TLE3: variants seen among roughly 807,000 people sequenced by gnomAD.
TLE3 encodes TLE family member 3, transcriptional corepressor.
A neutral mutation model predicts 93.0 loss-of-function variants in TLE3; 14 were observed. The observed-to-expected ratio is 0.15, with a 90% CI of 0.10 to 0.24. TLE3 has a LOEUF of 0.24. Among genes scored for constraint, TLE3 ranks in the 10% least tolerant of loss-of-function variants. The probability of loss-of-function intolerance (pLI) is 1.00; values close to 1 mark genes in which losing one functional copy is unlikely to be tolerated. For synonymous variants in TLE3, 451 were observed against 425.0 expected (o/e 1.06, Z -0.75); for missense variants, 693 against 1,046.6 (o/e 0.66, Z 4.66).
intron 6 of TLE3, among the ~76,000 whole-genome samples, chr15:70,071,119 G>A (rs1045518784): frequency 6.6e-6 from 1 of 152,060 alleles, no homozygotes; most frequent in South Asian, 2.1e-4. Context: ...CGGCTCAAAG[G>A]GTCTTAAATC....
At position 70,058,714 on chromosome 15, in the gene TLE3, C is replaced by T. The variant is rs370729783; in HGVS notation, c.867G>A (p.Ser289=). Reference sequence around the variant, plus strand: ...AAGGTGTGCTACTGGAAGAGGCCACCGAGGCAGGGCTGGTGGGGGCATCTT... The same window carrying T: ...AAGGTGTGCTACTGGAAGAGGCCACTGAGGCAGGGCTGGTGGGGGCATCTT... ...LKKDAPTSPA[S]VASSSSTPSS... Residue 289 remains serine (S), a synonymous_variant, in exon 11 of 20, where the codon TCG becomes TCA. Coordinates refer to ENST00000451782, the MANE Select transcript of TLE3 (RefSeq NM_001105192.3). This position sits in a 1 kb window ranked among gnomAD's most constrained non-coding sequence, Gnocchi z 4.1. The T allele has an allele frequency of 1.4e-5, 23 of 1,608,914 alleles. No individual in the cohort carries two copies. Among genetic ancestry groups the T allele is most frequent in the East Asian group, 2.2e-5 (1 of 44,774 alleles).
intron 5 of TLE3, among the ~76,000 whole-genome samples, chr15:70,075,465 A>G (rs1047087107): frequency 2.0e-5 from 3 of 152,160 alleles, no homozygotes; most frequent in African/African-American, 7.2e-5. Context: ...TCAATCATTT[A>G]CTCAGGTCAC....
chr15:70,053,195 C>G, intron 17 of TLE3, 32 bp downstream of exon 17: 2 of 1,597,706 alleles, frequency 1.3e-6, no homozygotes, highest in South Asian at 2.3e-5. Flanking sequence ...ACACACTGCT[C>G]TTTGGGAAGG....
Position 70,049,703 on chromosome 15 carries a change from C to T in TLE3, c.*394G>A, listed in dbSNP as rs1011574147. On this transcript the variant is annotated 3_prime_UTR_variant, in exon 20 of 20. Transcript: ENST00000451782. ...TCGGCAAAGAGAGACCCCCCCATCC[C>T]CCAGCACAACATTGTGGTCCACTCC... 1.6e-5 allele frequency: 3 copies of T among 185,758 alleles called. No individual in the cohort carries two copies. The highest frequency in any genetic ancestry group is 3.4e-5 in the Non-Finnish European group (3 of 87,052). The allele number at this position is 185,758 out of a possible 1,614,324, so 11.5% of individuals were successfully genotyped here.
intron 3 of TLE3, 32 bp downstream of exon 3, chr15:70,095,546 A>G: frequency 6.5e-7 from 1 of 1,547,958 alleles, no homozygotes; most frequent in Non-Finnish European, 8.7e-7. Context: ...TCGGCGCCCC[A>G]ACCGCCCCCC....
At position 70,052,462 on chromosome 15, in the gene TLE3, G is replaced by A. The variant is rs771386922; in HGVS notation, c.2037C>T (p.Asn679=). The change falls in exon 18 of 20, where the codon AAC becomes AAT. Residue 679 remains asparagine (N), a synonymous_variant. Coordinates refer to ENST00000451782, the MANE Select transcript of TLE3 (RefSeq NM_001105192.3). The part of the protein sequence containing the change: ...EWLAVGMESS[N]VEVLHHTKPD... Reference sequence around the variant, plus strand: ...GCTTGGTGTGGTGCAGCACCTCCACGTTGCTGCTCTCCATGCCCACAGCCA... The same window carrying A: ...GCTTGGTGTGGTGCAGCACCTCCACATTGCTGCTCTCCATGCCCACAGCCA... 2.5e-6 allele frequency: 4 copies of A among 1,613,798 alleles called. No individual in the cohort carries two copies. Among genetic ancestry groups the A allele is most frequent in the African/African-American group, 1.3e-5 (1 of 74,938 alleles).
chr15:70,064,439 A>G lies in TLE3; in HGVS notation c.594+15T>C. 1.2e-6 allele frequency: 2 copies of G among 1,613,654 alleles called. No individual in the cohort carries two copies. Among genetic ancestry groups the G allele is most frequent in the Non-Finnish European group, 1.7e-6 (2 of 1,179,668 alleles). On this transcript the variant is annotated intron_variant, in intron 8 of 19. Transcript: ENST00000451782. Reference sequence around the variant, plus strand: ...ACCCAAACACCCCTCCGGGTTCCAGAGTGCCAACACTTACCGCACTGGATT... The same window carrying G: ...ACCCAAACACCCCTCCGGGTTCCAGGGTGCCAACACTTACCGCACTGGATT...
intron 6 of TLE3, among the ~76,000 whole-genome samples, chr15:70,067,460 C>T (rs2056883318): frequency 6.6e-6 from 1 of 152,148 alleles, no homozygotes. Context: ...CCAAATCCCA[C>T]CACTAGTAAA....
intron 4 of TLE3, among the ~76,000 whole-genome samples, chr15:70,090,841 G>T (rs1032731798): frequency 5.9e-5 from 9 of 152,204 alleles, no homozygotes; most frequent in African/African-American, 2.2e-4. Flanking sequence ...GACAATAAGG[G>T]TTCAGTGATA....
chr15:70,054,994 C>T (rs967672450), intron 15 of TLE3, 55 bp downstream of exon 15: 16 of 1,534,570 alleles, frequency 1.0e-5, no homozygotes, highest in Admixed American at 3.9e-5. Flanking sequence ...GTGGCCCAGG[C>T]TGCCCCATCC....
At chr15:70,067,024 C>T (rs2056858040) in intron 6 of TLE3, 1 of 189,672 alleles carries the variant, frequency 5.3e-6, no homozygotes, top group Non-Finnish European at 1.2e-5. Flanking sequence ...TACTAAGCCT[C>T]ATGGCAGTAG....
chr15:70,090,982 C>T (rs950169778), intron 4 of TLE3, among the ~76,000 whole-genome samples: 8 of 152,222 alleles, frequency 5.3e-5, no homozygotes, highest in Non-Finnish European at 7.3e-5. Context: ...AAAAGGAGCA[C>T]TCTTCATTTC....
chr15:70,054,386 G>A (rs931247914), intron 16 of TLE3, 52 bp downstream of exon 16: 1 of 1,575,520 alleles, frequency 6.3e-7, no homozygotes, highest in Non-Finnish European at 8.6e-7. Context: ...CAGGCAGGAT[G>A]GGTAAAAACT....
rs1332584552 is a variant in TLE3, at chr15:70,048,560, G to A, written c.*1537C>T. On this transcript the variant is annotated 3_prime_UTR_variant, in exon 20 of 20. Transcript: ENST00000451782. ...AAAATGCAGTATAAAAATTATCTTCGATATGCTACATCCATGGAGAGCCTG... is the reference window on the plus strand; with the variant it reads ...AAAATGCAGTATAAAAATTATCTTCAATATGCTACATCCATGGAGAGCCTG... 2.0e-5 allele frequency: 3 copies of A among 150,994 alleles called. No individual in the cohort carries two copies. The highest frequency in any genetic ancestry group is 1.9e-4 in the East Asian group (1 of 5,136). The allele number at this position is 150,994 out of a possible 1,614,324, so 9.4% of individuals were successfully genotyped here.
intron 4 of TLE3, among the ~76,000 whole-genome samples, chr15:70,081,639 C>T (rs945012016): frequency 3.3e-5 from 5 of 152,242 alleles, no homozygotes; most frequent in Non-Finnish European, 5.9e-5. Context: ...AGTAATTCCA[C>T]GTCTGTGAGA....
chr15:70,064,341 G>T, intron 8 of TLE3, 113 bp downstream of exon 8: 2 of 1,326,282 alleles, frequency 1.5e-6, no homozygotes, highest in Non-Finnish European at 2.1e-6. Context: ...GAACCCAGAA[G>T]CCAGCTTTGG....
chr15:70,070,533 G>A (rs1298200351), intron 6 of TLE3, among the ~76,000 whole-genome samples: 1 of 152,162 alleles, frequency 6.6e-6, no homozygotes, highest in Non-Finnish European at 1.5e-5. Flanking sequence ...ACAGCTCCAG[G>A]CCTCCGACTG....
chr15:70,069,395 A>G (rs2057007600), intron 6 of TLE3, among the ~76,000 whole-genome samples: 1 of 152,218 alleles, frequency 6.6e-6, no homozygotes, highest in African/African-American at 2.4e-5. Flanking sequence ...AACTTGGAAC[A>G]AAGGCAGCAG....
intron 4 of TLE3, among the ~76,000 whole-genome samples, chr15:70,086,524 T>C (rs1204407324): frequency 6.6e-6 from 1 of 152,148 alleles, no homozygotes; most frequent in Non-Finnish European, 1.5e-5. Context: ...TGTACCCAAA[T>C]TGCATTTGGT....
Sources: gnomAD v4.1 joint callset for allele counts (sites outside exome capture counted in the v4.1 genomes callset) on GRCh38, gnomAD v4.1.1 for gene constraint, Gnocchi (gnomAD v3.1) non-coding constraint, MANE v1.5 for transcripts, NCBI Gene and HGNC (gene_info 2026-07-23, HGNC 2026-07-21) for gene names.